The following HACL1 variants were observed in gnomAD, a reference collection of about 807,000 sequenced individuals.
The protein encoded by HACL1 is 1600020H07Rik.
A neutral mutation model predicts 74.2 loss-of-function variants in HACL1; 64 were observed. The ratio of observed to expected loss-of-function variants is 0.86; its 90% confidence interval spans 0.70 to 1.06. The LOEUF is 1.06. HACL1 is among the 50% of genes least tolerant of loss of function. The probability of loss-of-function intolerance (pLI) is 0.00; values close to 1 mark genes in which losing one functional copy is unlikely to be tolerated. For missense variants in HACL1, 728 were observed against 719.7 expected (o/e 1.01, Z -0.13); for synonymous variants, 230 against 238.8 (o/e 0.96, Z 0.34).
intron 8 of HACL1, among the ~76,000 whole-genome samples, chr3:15,580,662 A>G (rs946200990): frequency 6.6e-6 from 1 of 152,176 alleles, no homozygotes; most frequent in Non-Finnish European, 1.5e-5. Flanking sequence ...AAGTCCCTGA[A>G]CACACTATCT....
Position 15,571,676 on chromosome 3 carries a change from C to A in HACL1, c.1087G>T (p.Ala363Ser). Reference sequence around the variant, plus strand: ...AGTAGGTCCGATTTTACCTTGGATGCAGCTTCATTGCTCTTCATTTTTTCT... The same window carrying A: ...AGTAGGTCCGATTTTACCTTGGATGAAGCTTCATTGCTCTTCATTTTTTCT... ...LREKMKSNEA[A>S]SKELASKKSL... is the part of the protein sequence containing the mutation. The change falls in exon 12 of 17, where the codon GCA becomes TCA. Residue 363 changes from alanine (A) to serine (S), a missense_variant. Transcript: ENST00000321169. 7.2e-7 allele frequency: 1 copy of A among 1,385,498 alleles called. No homozygotes were observed. Among genetic ancestry groups the A allele is most frequent in the African/African-American group, 1.4e-5 (1 of 70,570 alleles). The allele number at this position is 1,385,498 out of a possible 1,614,324, so 85.8% of individuals were successfully genotyped here.
At position 15,567,831 on chromosome 3, in the gene HACL1, G is replaced by C; in HGVS notation, c.1409+13C>G. 2.5e-6 allele frequency: 4 copies of C among 1,608,484 alleles called. No individual in the cohort carries two copies. The highest frequency in any genetic ancestry group is 3.4e-6 in the Non-Finnish European group (4 of 1,174,822). On this transcript the variant is annotated intron_variant, in intron 14 of 16. Coordinates refer to ENST00000321169, the MANE Select transcript of HACL1 (RefSeq NM_012260.4). ...TAGAGAATCAAATGCTCTGATTCAGGATGATGTTTTACCTGCAGATGGTTT... is the reference window on the plus strand; with the variant it reads ...TAGAGAATCAAATGCTCTGATTCAGCATGATGTTTTACCTGCAGATGGTTT...
intron 7 of HACL1, among the ~76,000 whole-genome samples, chr3:15,584,984 T>A (rs76439179): frequency 0.02 from 3,021 of 152,268 alleles, 106 homozygotes; most frequent in African/African-American, 0.069. Context: ...GATGTATATT[T>A]ATGGTTACTG....
At chr3:15,590,485 T>C (rs1184460114) in intron 4 of HACL1, among the ~76,000 whole-genome samples, 1 of 152,180 alleles carries the variant, frequency 6.6e-6, no homozygotes, top group East Asian at 1.9e-4. Context: ...ACTAGAAAGA[T>C]TAAATATGTT....
Position 15,560,901 on chromosome 3 carries a change from GA to G in HACL1, c.1705-5del. 1.3e-6 allele frequency: 2 copies of G among 1,598,198 alleles called. No homozygotes were observed. The highest frequency in any genetic ancestry group is 1.7e-6 in the Non-Finnish European group (2 of 1,166,244). The stretch of plus-strand genomic sequence containing the variant: ...AGCGGGTCAGCCAATGAAAATCCTA[GA>G]AAAAGAAGACAACAAACATTCAGTC... On this transcript the variant is annotated splice_polypyrimidine_tract_variant and splice_region_variant and intron_variant, in intron 16 of 16. Coordinates refer to ENST00000321169, the MANE Select transcript of HACL1 (RefSeq NM_012260.4).
At chr3:15,582,797 C>G (rs1452645393) in intron 8 of HACL1, 80 bp downstream of exon 8, 12 of 691,700 alleles carry the variant, frequency 1.7e-5, no homozygotes, top group Non-Finnish European at 3.1e-5. Context: ...TTAGAATAGA[C>G]ATTAATAAAC....
chr3:15,589,597 A>G lies in HACL1; in HGVS notation c.324T>C (p.Ile108=). Residue 108 remains isoleucine, a synonymous_variant, in exon 5 of 17, where the codon ATT becomes ATC. Transcript: ENST00000321169. ...ANMNCWPLLV[I]GGSSERNQET... ...CTTGGTTTCTTTCAGAGGAACCACC[A>G]ATCACAAGCAAGGGCCTGAAACAAT... 6.2e-7 allele frequency: 1 copy of G among 1,607,214 alleles called. No individual in the cohort carries two copies. The highest frequency in any genetic ancestry group is 8.5e-7 in the Non-Finnish European group (1 of 1,173,782).
intron 12 of HACL1, among the ~76,000 whole-genome samples, chr3:15,569,364 T>A (rs1470606659): frequency 6.6e-6 from 1 of 152,232 alleles, no homozygotes; most frequent in Non-Finnish European, 1.5e-5. Context: ...AAAGAAAAGA[T>A]TAGTCATGAT....
chr3:15,563,691 ACT>A (rs995777121), intron 15 of HACL1, 147 bp from the exon 16 acceptor site: 176 of 604,460 alleles, frequency 2.9e-4, no homozygotes, highest in African/African-American at 2.0e-3. Context: ...ATGCCAGTAC[ACT>A]GAGTTTTTCC....
chr3:15,567,355 A>G (rs570725486), intron 14 of HACL1, among the ~76,000 whole-genome samples: 367 of 151,320 alleles, frequency 2.4e-3, no homozygotes, highest in Admixed American at 4.1e-3. Flanking sequence ...GATTACAGGC[A>G]TGCATCACTG....
Position 15,568,445 on chromosome 3 carries a change from G to T in HACL1, c.1237C>A (p.Leu413Ile). 6.3e-7 allele frequency: 1 copy of T among 1,590,620 alleles called. No homozygotes were observed. The highest frequency in any genetic ancestry group is 8.6e-7 in the Non-Finnish European group (1 of 1,167,406). ...TAGAAGTCTTACCTGTGACGAGGAA[G>T]GTAGTTCTGAAGCACAGTCCGTCCA... Reference protein sequence around the residue: ...DIGRTVLQNYLPRHRLDAGTF... With the variant: ...DIGRTVLQNYIPRHRLDAGTF... The change falls in exon 13 of 17, where the codon CTT (leucine) becomes ATT (isoleucine). Residue 413 changes from leucine (L) to isoleucine (I), a missense_variant. By Grantham distance (5) the Leu-to-Ile change is conservative (BLOSUM62 2). Coordinates refer to ENST00000321169, the MANE Select transcript of HACL1 (RefSeq NM_012260.4).
At chr3:15,591,885 C>T (rs1391030279) in intron 3 of HACL1, among the ~76,000 whole-genome samples, 4 of 149,064 alleles carry the variant, frequency 2.7e-5, no homozygotes, top group African/African-American at 5.0e-5. Flanking sequence ...CACACATATA[C>T]GTATATAGTG....
intron 14 of HACL1, among the ~76,000 whole-genome samples, chr3:15,566,725 C>T (rs1310594312): frequency 7.5e-6 from 1 of 132,500 alleles, no homozygotes; most frequent in African/African-American, 3.4e-5. Flanking sequence ...GGAACTATTA[C>T]TATTCCTACT....
At chr3:15,566,830 T>C (rs927488550) in intron 14 of HACL1, among the ~76,000 whole-genome samples, 1 of 148,500 alleles carries the variant, frequency 6.7e-6, no homozygotes, top group African/African-American at 2.5e-5. Flanking sequence ...TTTTTTTTTT[T>C]TTTTTTGCGA....
At chr3:15,597,009 G>A (rs1356079115) in intron 2 of HACL1, among the ~76,000 whole-genome samples, 1 of 152,078 alleles carries the variant, frequency 6.6e-6, no homozygotes, top group Non-Finnish European at 1.5e-5. Context: ...TAGGTTACAA[G>A]TTTGAGTTGC....
intron 14 of HACL1, 87 bp from the exon 15 acceptor site, chr3:15,564,745 A>T (rs1376125614): frequency 1.6e-6 from 1 of 610,624 alleles, no homozygotes; most frequent in African/African-American, 1.9e-5. Flanking sequence ...CTTAAAAATG[A>T]ATAGTTTCCT....
intron 10 of HACL1, among the ~76,000 whole-genome samples, chr3:15,573,519 C>G (rs2063572455): frequency 6.6e-6 from 1 of 152,158 alleles, no homozygotes; most frequent in African/African-American, 2.4e-5. Flanking sequence ...TTGACCTGAT[C>G]AATTATAGTT....
At chr3:15,590,643 A>T (rs1040851898) in intron 4 of HACL1, among the ~76,000 whole-genome samples, 1 of 152,234 alleles carries the variant, frequency 6.6e-6, no homozygotes, top group African/African-American at 2.4e-5. Context: ...ATATCTTCCT[A>T]CCTATGCAAA....
chr3:15,571,125 T>A (rs533252959), intron 12 of HACL1, among the ~76,000 whole-genome samples: 2 of 152,076 alleles, frequency 1.3e-5, no homozygotes, highest in Admixed American at 6.5e-5. Flanking sequence ...ACAACAGGTG[T>A]GTGCCACCAC....
Sources: gnomAD v4.1 joint callset for allele counts (sites outside exome capture counted in the v4.1 genomes callset) on GRCh38, gnomAD v4.1.1 for gene constraint, MANE v1.5 for transcripts, NCBI Gene and HGNC (gene_info 2026-07-23, HGNC 2026-07-21) for gene names.